The following CYP1B1 variants were observed in gnomAD, a reference collection of about 807,000 sequenced individuals.
The protein encoded by CYP1B1 is cytochrome P450 1B1.
A neutral mutation model predicts 29.9 loss-of-function variants in CYP1B1; 22 were observed. That is an observed-to-expected ratio of 0.74 (90% CI 0.53 to 1.05). The LOEUF is 1.05. Ranked by LOEUF, CYP1B1 falls within the 50% of genes least tolerant of loss-of-function variation. CYP1B1 has a pLI of 0.00. For missense variants in CYP1B1, 883 were observed against 746.9 expected, an observed-to-expected ratio of 1.18 and a Z score of -2.12; for synonymous variants, 375 against 320.0, an observed-to-expected ratio of 1.17 and a Z score of -1.83.
Position 38,074,998 on chromosome 2 carries a change from TG to T in CYP1B1, c.390del (p.Ser131AlafsTer21). 4 of 1,589,544 alleles carry T rather than the reference TG, an allele frequency of 2.5e-6. No homozygotes were observed. The highest frequency in any genetic ancestry group is 3.4e-6 in the Non-Finnish European group (4 of 1,175,922). ...TCCGAGTAGTGGCCGAAAGCCATGC[TG>T]CGGCCGCCGGACACCACACGGAAGG... ...FASFRVVSGG[R>X]SMAFGHYSEH... On this transcript the variant is annotated frameshift_variant, in exon 2 of 3. Coordinates refer to ENST00000610745, the MANE Select transcript of CYP1B1 (RefSeq NM_000104.4). LOFTEE classifies it high-confidence loss of function.
rs771076928 is a variant in CYP1B1, at chr2:38,074,853, GC to G, written c.535del (p.Ala179ArgfsTer18). On this transcript the variant is annotated frameshift_variant, in exon 2 of 3. Coordinates refer to ENST00000610745, the MANE Select transcript of CYP1B1 (RefSeq NM_000104.4). LOFTEE classifies it high-confidence loss of function. The part of the protein sequence containing the change: ...HVLSEARELV[A>X]LLVRGSADGA... ...GTCCGCGCTGCCGCGCACCAGCAGC[GC>G]CACCAGCTCGCGCGCCTCGCTCAGC... The G allele has an allele frequency of 5.1e-5, 80 of 1,563,088 alleles. No homozygotes were observed. Among genetic ancestry groups the G allele is most frequent in the Admixed American group, 1.9e-4 (10 of 52,762 alleles).
At position 38,074,451 on chromosome 2, in the gene CYP1B1, G is replaced by A. The variant is rs368794893; in HGVS notation, c.938C>T (p.Ala313Val). ...KAAGDSHGGG[A>V]RLDLENVPAT... ...CGGTACGTTCTCCAAATCCAGCCGC[G>A]CGCCACCACCGTGCGAGTCCCCGGC... Residue 313 changes from alanine to valine, a missense_variant, in exon 2 of 3, where the codon GCG (alanine) becomes GTG (valine). Coordinates refer to ENST00000610745, the MANE Select transcript of CYP1B1 (RefSeq NM_000104.4). 14 of 1,613,034 alleles carry A rather than the reference G, an allele frequency of 8.7e-6. No homozygotes were observed. The highest frequency in any genetic ancestry group is 1.2e-5 in the Non-Finnish European group (14 of 1,179,822).
chr2:38,075,746 G>A (rs977916885), intron 1 of CYP1B1, 34 bp downstream of exon 1: 5 of 323,024 alleles, frequency 1.5e-5, no homozygotes, highest in Admixed American at 4.5e-5. Flanking sequence ...CATCTGAAGA[G>A]GTCGCCGGGC....
Position 38,071,054 on chromosome 2 carries a change from A to G in CYP1B1, c.1300T>C (p.Trp434Arg), listed in dbSNP as rs1167943615. ...GGATCAAAGTTCTCCGGGTTAGGCC[A>G]CTTCAGTGGGTCATGATTCACAGAC... The part of the protein sequence containing the change: ...QWSVNHDPLK[W>R]PNPENFDPAR... The change falls in exon 3 of 3, where the codon TGG (tryptophan) becomes CGG (arginine). Residue 434 changes from tryptophan to arginine, a missense_variant. Coordinates refer to ENST00000610745, the MANE Select transcript of CYP1B1 (RefSeq NM_000104.4). 6.2e-7 allele frequency: 1 copy of G among 1,613,888 alleles called. No homozygotes were observed. The highest frequency in any genetic ancestry group is 8.5e-7 in the Non-Finnish European group (1 of 1,179,768).
chr2:38,073,575 G>C (rs568798007), intron 2 of CYP1B1: 1 of 152,388 alleles, frequency 6.6e-6, no homozygotes, highest in African/African-American at 2.4e-5. Flanking sequence ...GTGCTTAGTA[G>C]AGACCAACGT....
chr2:38,075,680 G>A (rs917084390), intron 1 of CYP1B1, 100 bp downstream of exon 1: 17 of 533,366 alleles, frequency 3.2e-5, no homozygotes, highest in Non-Finnish European at 2.7e-5. Context: ...CATCGAGGCG[G>A]TGGCGCTTGA....
Position 38,069,326 on chromosome 2 carries a change from C to G in CYP1B1, c.*1396G>C, listed in dbSNP as rs547944494. 1 of 219,662 alleles carries G rather than the reference C, an allele frequency of 4.6e-6. No individual in the cohort carries two copies. The highest frequency in any genetic ancestry group is 1.9e-4 in the South Asian group (1 of 5,404). The allele number at this position is 219,662 out of a possible 1,614,324, so 13.6% of individuals were successfully genotyped here. A position where few individuals can be genotyped will look rare whatever the true frequency, so the allele number is the denominator to read the frequency against. On this transcript the variant is annotated 3_prime_UTR_variant, in exon 3 of 3. Coordinates refer to ENST00000610745, the MANE Select transcript of CYP1B1 (RefSeq NM_000104.4). The stretch of plus-strand genomic sequence containing the variant: ...TGGGAGTTCTGTCCCCAACTCTTGT[C>G]ACCTCGTAAAAAGAACATCCAGGTA...
Position 38,071,290 on chromosome 2 carries a change from C to T in CYP1B1, c.1064G>A (p.Arg355Gln). 3.7e-6 allele frequency: 6 copies of T among 1,612,310 alleles called. No homozygotes were observed. The highest frequency in any genetic ancestry group is 2.2e-5 in the South Asian group (2 of 91,074). The change falls in exon 3 of 3, where the codon CGA becomes CAA. Residue 355 changes from arginine to glutamine, a missense_variant. By Grantham distance (43) the Arg-to-Gln change is conservative (BLOSUM62 1). Coordinates refer to ENST00000610745, the MANE Select transcript of CYP1B1 (RefSeq NM_000104.4). ...GACCTGATCCAATTCTGCCTGCACT[C>T]GAGTCTGCACATCAGGATACCTGTT... Reference protein sequence around the residue: ...LFTRYPDVQTRVQAELDQVVG... With the variant: ...LFTRYPDVQTQVQAELDQVVG...
chr2:38,074,815 C>A lies in CYP1B1; in HGVS notation c.574G>T (p.Asp192Tyr). 1.3e-6 allele frequency: 2 copies of A among 1,573,654 alleles called. No homozygotes were observed. The highest frequency in any genetic ancestry group is 1.7e-6 in the Non-Finnish European group (2 of 1,160,310). Residue 192 changes from aspartate to tyrosine, a missense_variant, in exon 2 of 3, where the codon GAC (aspartate) becomes TAC (tyrosine). Physicochemically the swap from Asp to Tyr is radical, Grantham distance 160. Transcript: ENST00000610745. Reference sequence around the variant, plus strand: ...GCCACGACGGTCAGCGGCCTCGGGTCGAGGAAGGCGCCGTCCGCGCTGCCG... The same window carrying A: ...GCCACGACGGTCAGCGGCCTCGGGTAGAGGAAGGCGCCGTCCGCGCTGCCG... ...VRGSADGAFL[D>Y]PRPLTVVAVA...
chr2:38,074,792 C>T lies in CYP1B1; in HGVS notation c.597G>A (p.Val199=), dbSNP rs1467709582. ...AFLDPRPLTV[V]AVANVMSAVC... ...CGGCACTCATGACGTTGGCCACGGC[C>T]ACGACGGTCAGCGGCCTCGGGTCGA... Residue 199 remains valine (V), a synonymous_variant, in exon 2 of 3, where the codon GTG becomes GTA. Transcript: ENST00000610745. 1 of 1,585,838 alleles carries T rather than the reference C, an allele frequency of 6.3e-7. No individual in the cohort carries two copies. The highest frequency in any genetic ancestry group is 1.3e-5 in the African/African-American group (1 of 74,446).
rs937185725 is a variant in CYP1B1 at position 38,068,497 on chromosome 2, A to G, written c.*2225T>C. ...TATTTTTGCAGCTACACATTTCTCA[A>G]TCTAAAAAAATAGGCTACAGCAGCC... On this transcript the variant is annotated 3_prime_UTR_variant, in exon 3 of 3. Coordinates refer to ENST00000610745, the MANE Select transcript of CYP1B1 (RefSeq NM_000104.4). The G allele has an allele frequency of 1.3e-5, 3 of 224,726 alleles. No individual in the cohort carries two copies. Among genetic ancestry groups the G allele is most frequent in the African/African-American group, 6.7e-5 (3 of 44,804 alleles). 13.9% of individuals were successfully genotyped at this position (224,726 alleles called of 1,614,324 possible).
Position 38,069,936 on chromosome 2 carries a change from A to C in CYP1B1, c.*786T>G, listed in dbSNP as rs761377599. 1.5e-5 allele frequency: 3 copies of C among 199,510 alleles called. No individual in the cohort carries two copies. Among genetic ancestry groups the C allele is most frequent in the Admixed American group, 6.0e-5 (1 of 16,546 alleles). 12.4% of individuals were successfully genotyped at this position (199,510 alleles called of 1,614,324 possible). A position where few individuals can be genotyped will look rare whatever the true frequency, so the allele number is the denominator to read the frequency against. ...GCTTTTTTTTTTTTCTTTGCTGATA[A>C]TTCAAATTCTGTACTTTGGCAAGCA... On this transcript the variant is annotated 3_prime_UTR_variant, in exon 3 of 3. Transcript: ENST00000610745.
In CYP1B1 at chr2:38,074,549, G is replaced by C. The variant is rs778202993; in HGVS notation, c.840C>G (p.Cys280Trp). 1.9e-6 allele frequency: 3 copies of C among 1,609,002 alleles called. No individual in the cohort carries two copies. Among genetic ancestry groups the C allele is most frequent in the Non-Finnish European group, 2.5e-6 (3 of 1,177,868 alleles). ...NFILDKFLRH[C>W]ESLRPGAAPR... ...GGGCGGCCCCGGGCCGAAGGCTTTC[G>C]CAGTGCCTCAAGAACTTGTCCAGGA... The change falls in exon 2 of 3, where the codon TGC becomes TGG. Residue 280 changes from cysteine to tryptophan, a missense_variant. Physicochemically the swap from Cys to Trp is radical, Grantham distance 215. Coordinates refer to ENST00000610745, the MANE Select transcript of CYP1B1 (RefSeq NM_000104.4).
Position 38,074,769 on chromosome 2 carries a change from G to A in CYP1B1, c.620C>T (p.Ala207Val). The change falls in exon 2 of 3, where the codon GCC becomes GTC. Residue 207 changes from alanine (A) to valine (V), a missense_variant. Ala to Val is a moderately conservative substitution (Grantham distance 64, BLOSUM62 0). Coordinates refer to ENST00000610745, the MANE Select transcript of CYP1B1 (RefSeq NM_000104.4). ...TVVAVANVMSAVCFGCRYSHD... is the reference protein window; with the variant it reads ...TVVAVANVMSVVCFGCRYSHD... ...GCTGTAGCGGCAGCCGAAACACACGGCACTCATGACGTTGGCCACGGCCAC... is the reference window on the plus strand; with the variant it reads ...GCTGTAGCGGCAGCCGAAACACACGACACTCATGACGTTGGCCACGGCCAC... 4 of 1,597,582 alleles carry A rather than the reference G, an allele frequency of 2.5e-6. No homozygotes were observed. The highest frequency in any genetic ancestry group is 2.6e-6 in the Non-Finnish European group (3 of 1,172,608).
At chr2:38,073,476 G>C (rs546442286) in intron 2 of CYP1B1, 2 of 152,246 alleles carry the variant, frequency 1.3e-5, no homozygotes, top group African/African-American at 4.8e-5. Context: ...GATCAACAAG[G>C]GCTAATCTTT....
Position 38,070,557 on chromosome 2 carries a change from A to G in CYP1B1, c.*165T>C. ...CCTGCATAGCCCACTACTCATGAAG[A>G]ACCGCTGGGTATGGAGCACACCTCA... On this transcript the variant is annotated 3_prime_UTR_variant, in exon 3 of 3. Transcript: ENST00000610745. 1 of 670,168 alleles carries G rather than the reference A, an allele frequency of 1.5e-6. No individual in the cohort carries two copies. Among genetic ancestry groups the G allele is most frequent in the South Asian group, 1.9e-5 (1 of 53,492 alleles). The allele number at this position is 670,168 out of a possible 1,614,324, so 41.5% of individuals were successfully genotyped here. A position where few individuals can be genotyped will look rare whatever the true frequency, so the allele number is the denominator to read the frequency against.
Position 38,071,168 on chromosome 2 carries a change from G to T in CYP1B1, c.1186C>A (p.Pro396Thr). The stretch of plus-strand genomic sequence containing the variant: ...GTGGTGGCATGAGGAATAGTGACAG[G>T]CACAAAGCTGGAGAAGCGCATGGCT... ...YEAMRFSSFVPVTIPHATTAN... is the reference protein window; with the variant it reads ...YEAMRFSSFVTVTIPHATTAN... Residue 396 changes from proline to threonine, a missense_variant, in exon 3 of 3, where the codon CCT (proline) becomes ACT (threonine). Transcript: ENST00000610745. 2 of 1,613,900 alleles carry T rather than the reference G, an allele frequency of 1.2e-6. No homozygotes were observed. Among genetic ancestry groups the T allele is most frequent in the Non-Finnish European group, 1.7e-6 (2 of 1,179,948 alleles).
At chr2:38,071,664 C>G (rs952832597) in intron 2 of CYP1B1, among the ~76,000 whole-genome samples, 2 of 152,112 alleles carry the variant, frequency 1.3e-5, no homozygotes, top group Non-Finnish European at 2.9e-5. Context: ...GCTCACAACA[C>G]TTTTTAGGGG....
At position 38,069,093 on chromosome 2, in the gene CYP1B1, T is replaced by G. The variant is rs1682375280; in HGVS notation, c.*1629A>C. The G allele has an allele frequency of 4.4e-6, 1 of 226,126 alleles. No individual in the cohort carries two copies. The highest frequency in any genetic ancestry group is 2.2e-5 in the African/African-American group (1 of 44,968). 14.0% of individuals were successfully genotyped at this position (226,126 alleles called of 1,614,324 possible). On this transcript the variant is annotated 3_prime_UTR_variant, in exon 3 of 3. Transcript: ENST00000610745. ...AAAACTTGAAACTTCAATTCACTTT[T>G]CTAAATGTGAATGCATACATTTCAT...
Sources: gnomAD v4.1 joint callset for allele counts (sites outside exome capture counted in the v4.1 genomes callset) on GRCh38, gnomAD v4.1.1 for gene constraint, MANE v1.5 for transcripts, NCBI Gene and HGNC (gene_info 2026-07-23, HGNC 2026-07-21) for gene names.